Variants in DNAH5 observed in about 807,000 individuals in gnomAD.
The protein encoded by DNAH5 is axonemal beta dynein heavy chain 5.
In DNAH5, 372 loss-of-function variants were observed where a neutral mutation model predicts 518.2. The ratio of observed to expected loss-of-function variants is 0.72; its 90% CI spans 0.66 to 0.78. The LOEUF is 0.78. DNAH5 is among the 30% of genes least tolerant of loss of function. The pLI, the probability that DNAH5 is intolerant of heterozygous loss-of-function variation, is 0.00. For synonymous variants in DNAH5, 2,039 were observed against 2,025.9 expected (o/e 1.01, Z -0.17); for missense variants, 5,523 against 5,687.0 (o/e 0.97, Z 0.93).
intron 7 of DNAH5, 29 bp from the exon 8 acceptor site, chr5:13,917,285 A>G (rs1231660638): frequency 1.3e-6 from 2 of 1,537,518 alleles, no homozygotes; most frequent in African/African-American, 1.4e-5. Flanking sequence ...AGCAATTTTA[A>G]TGTAATTATT....
chr5:13,814,871 A>C lies in DNAH5; in HGVS notation c.6989-25T>G, dbSNP rs767929366. On this transcript the variant is annotated intron_variant, in intron 42 of 78. Coordinates refer to ENST00000265104, the MANE Select transcript of DNAH5 (RefSeq NM_001369.3). ...CCTAGAATACCCCACCAAAGGGAAAAAAAAAATACATACACTCATGCAGTG... is the reference window on the plus strand; with the variant it reads ...CCTAGAATACCCCACCAAAGGGAAACAAAAAATACATACACTCATGCAGTG... The C allele has an allele frequency of 2.4e-5, 39 of 1,611,518 alleles. No individual in the cohort carries two copies. In the East Asian group the frequency reaches 4.9e-4, roughly 20 times the overall value.
At chr5:13,868,716 C>G (rs1226779043) in intron 24 of DNAH5, among the ~76,000 whole-genome samples, 1 of 152,226 alleles carries the variant, frequency 6.6e-6, no homozygotes, top group African/African-American at 2.4e-5. Flanking sequence ...TTCCCTCCCT[C>G]TCCGTGGAGG....
intron 46 of DNAH5, among the ~76,000 whole-genome samples, chr5:13,808,122 T>C (rs1279725870): frequency 6.8e-6 from 1 of 147,946 alleles, no homozygotes; most frequent in African/African-American, 2.5e-5. Flanking sequence ...CCCAGCTACT[T>C]GGGAGGCTGA....
rs116782373 is a variant in DNAH5, at chr5:13,930,319, T to C, written c.192+791A>G. On this transcript the variant is annotated intron_variant, in intron 2 of 78. Coordinates refer to ENST00000265104, the MANE Select transcript of DNAH5 (RefSeq NM_001369.3). ...AGTTTGGAACCAGCCATTGTGGGAGTATTTACACCACAGAAATTAGCAGAT... is the reference window on the plus strand; with the variant it reads ...AGTTTGGAACCAGCCATTGTGGGAGCATTTACACCACAGAAATTAGCAGAT... Among the ~76,000 whole-genome samples, 1,164 of 152,130 alleles carry C rather than the reference T, an allele frequency of 7.7e-3. 17 individuals carry two copies. Among genetic ancestry groups the C allele is most frequent in the African/African-American group, 0.027 (1,109 of 41,504 alleles).
chr5:13,991,397 C>G (rs1783529753), intron 1 of DNAH5, among the ~76,000 whole-genome samples: 1 of 151,928 alleles, frequency 6.6e-6, no homozygotes, highest in Admixed American at 6.6e-5. Flanking sequence ...TGAATCGTTC[C>G]CTTTGGACTA....
chr5:13,927,168 G>A (rs540810491), intron 3 of DNAH5, among the ~76,000 whole-genome samples: 20 of 152,224 alleles, frequency 1.3e-4, no homozygotes, highest in African/African-American at 4.6e-4. Flanking sequence ...CTTAAAAGTA[G>A]AATAGACTAT....
In DNAH5 at chr5:13,922,344, G is replaced by T; in HGVS notation, c.439-16C>A. On this transcript the variant is annotated splice_polypyrimidine_tract_variant and intron_variant, in intron 4 of 78. Transcript: ENST00000265104. ...AACTCACCTCCTGGAAAACAGGCAG[G>T]AGATCTTTTATTGTAAAAATCATCC... 1 of 1,606,132 alleles carries T rather than the reference G, an allele frequency of 6.2e-7. No individual in the cohort carries two copies.
chr5:13,736,343 C>A (rs912872791), intron 66 of DNAH5, among the ~76,000 whole-genome samples: 4 of 152,064 alleles, frequency 2.6e-5, no homozygotes, highest in Non-Finnish European at 5.9e-5. Flanking sequence ...GCAAAACAAG[C>A]CATTGCAAAG....
chr5:13,714,034 A>G (rs1224811924), intron 75 of DNAH5, among the ~76,000 whole-genome samples: 1 of 152,326 alleles, frequency 6.6e-6, no homozygotes, highest in African/African-American at 2.4e-5. Context: ...GGTGTGCATT[A>G]AACTACATAA....
Position 13,759,027 on chromosome 5 carries a change from C to T in DNAH5, c.10282-44G>A. The T allele has an allele frequency of 1.9e-6, 3 of 1,612,706 alleles. No homozygotes were observed. The South Asian group carries it at 3.3e-5, about 18-fold the overall frequency. On this transcript the variant is annotated intron_variant, in intron 60 of 78. Coordinates refer to ENST00000265104, the MANE Select transcript of DNAH5 (RefSeq NM_001369.3). ...GAGTGAAGAGATGGGCAGCCAACCT[C>T]AAAACATCCTGCATTTCAGGGTCTG...
chr5:13,830,439 C>T (rs1763502507), intron 36 of DNAH5, among the ~76,000 whole-genome samples, 158 bp downstream of exon 36: 1 of 152,062 alleles, frequency 6.6e-6, no homozygotes. Context: ...GAGGAAGTAA[C>T]ATTTGGTCCA....
chr5:13,921,988 AT>A (rs1561578593), intron 5 of DNAH5, 118 bp downstream of exon 5: 6 of 1,107,054 alleles, frequency 5.4e-6, no homozygotes, highest in Non-Finnish European at 8.1e-6. Flanking sequence ...GCCTACAAAA[AT>A]TTTTGAAGAA....
At chr5:13,722,434 G>A (rs1745178061) in intron 70 of DNAH5, among the ~76,000 whole-genome samples, 1 of 152,204 alleles carries the variant, frequency 6.6e-6, no homozygotes, top group Non-Finnish European at 1.5e-5. Context: ...TCTTTTGTGG[G>A]TTACAATGAG....
Position 13,890,957 on chromosome 5 carries a change from A to T in DNAH5, c.2577+19T>A. On this transcript the variant is annotated intron_variant, in intron 17 of 78. Coordinates refer to ENST00000265104, the MANE Select transcript of DNAH5 (RefSeq NM_001369.3). The stretch of plus-strand genomic sequence containing the variant: ...AATCACCAAAAACCTTAAACAAAAA[A>T]AATCAAGGTTTTAATGACCTTTGTC... 2 of 1,613,720 alleles carry T rather than the reference A, an allele frequency of 1.2e-6. No homozygotes were observed. The highest frequency in any genetic ancestry group is 3.3e-5 in the Admixed American group (2 of 59,968).
intron 65 of DNAH5, among the ~76,000 whole-genome samples, chr5:13,749,843 T>C (rs2401810): frequency 0.36 from 54,382 of 152,020 alleles, 10,086 homozygotes; most frequent in South Asian, 0.49. Flanking sequence ...ACCACCTCTA[T>C]TGAGATTTAA....
chr5:13,807,921 G>A (rs947466084), intron 46 of DNAH5, among the ~76,000 whole-genome samples, 196 bp from the exon 47 acceptor site: 3 of 151,960 alleles, frequency 2.0e-5, no homozygotes, highest in Non-Finnish European at 4.4e-5. Flanking sequence ...ACCCTAACTC[G>A]TGTCCTTATA....
rs541240448 is a variant in DNAH5, at chr5:14,000,506, T to C, written c.12+11142A>G. The stretch of plus-strand genomic sequence containing the variant: ...ATGATAGTTATATGATGAGCATTTT[T>C]TTAATGTTTGTTGGCTGCTTGTATG... On this transcript the variant is annotated intron_variant, in intron 1 of 78. Coordinates refer to the DNAH5 transcript ENST00000681290. Among the ~76,000 whole-genome samples the C allele has an allele frequency of 2.6e-5, 4 of 152,328 alleles. No individual in the cohort carries two copies. In the East Asian group the frequency reaches 5.8e-4, roughly 22 times the overall value.
intron 76 of DNAH5, among the ~76,000 whole-genome samples, chr5:13,706,952 A>G (rs1344554065): frequency 6.6e-6 from 1 of 152,186 alleles, no homozygotes; most frequent in Non-Finnish European, 1.5e-5. Context: ...GACCTACCTA[A>G]GTGAGAACAG....
At chr5:13,727,769 T>C in intron 69 of DNAH5, 113 bp from the exon 70 acceptor site, 1 of 1,139,464 alleles carries the variant, frequency 8.8e-7, no homozygotes, top group Non-Finnish European at 1.3e-6. Flanking sequence ...GTAAATTATA[T>C]TCCTTGGCTA....
Sources: allele counts gnomAD v4.1 joint callset (sites outside exome capture counted in the v4.1 genomes callset), GRCh38; gene constraint gnomAD v4.1.1; transcripts MANE v1.5; gene names NCBI Gene and HGNC (gene_info 2026-07-23, HGNC 2026-07-21).